Variants in DGKK observed in about 807,000 individuals in gnomAD.
DGKK encodes the protein 142 kDa diacylglycerol kinase.
A neutral mutation model predicts 92.2 loss-of-function variants in DGKK; 35 were observed. The ratio of observed to expected loss-of-function variants is 0.38; its 90% CI spans 0.29 to 0.50. The LOEUF (loss-of-function observed/expected upper bound fraction) is 0.50. Among genes scored for constraint, DGKK ranks in the 20% least tolerant of loss-of-function variants. DGKK has a pLI of 0.92. For synonymous variants in DGKK, 368 were observed against 360.6 expected (o/e 1.02, Z -0.23); for missense variants, 910 against 992.2 (o/e 0.92, Z 1.11).
intron 11 of DGKK, among the ~76,000 whole-genome samples, chrX:50,390,683 A>C (rs12012084): frequency 9.0e-6 from 1 of 111,297 alleles, no homozygotes; most frequent in African/African-American, 3.3e-5. Flanking sequence ...GTAACCATCA[A>C]GATCATCTGA....
intron 21 of DGKK, 31 bp downstream of exon 21, chrX:50,378,547 C>T: frequency 8.8e-7 from 1 of 1,139,697 alleles, no homozygotes; most frequent in Non-Finnish European, 1.2e-6. Flanking sequence ...AACCTCAGCC[C>T]CTTCCCAGTG....
chrX:50,376,533 A>G (rs138015494), intron 23 of DGKK, among the ~76,000 whole-genome samples: 1,914 of 111,634 alleles, frequency 0.017, 46 homozygotes, highest in African/African-American at 0.06. Context: ...GCAACAAGAG[A>G]TCCAAATTAA....
chrX:50,403,039 A>G (rs1925050954), intron 7 of DGKK, 22 bp downstream of exon 7: 3 of 1,208,001 alleles, frequency 2.5e-6, no homozygotes, highest in Non-Finnish European at 2.2e-6. Context: ...TTCTCTAAAT[A>G]TCAAGATGAG....
Position 50,387,664 on chromosome X carries a change from A to G in DGKK, c.2019-11T>C. ...GCTGAACACAAGAATCTGGAAAGATAAAATAGATGGCACAATGTTACATGA... is the reference window on the plus strand; with the variant it reads ...GCTGAACACAAGAATCTGGAAAGATGAAATAGATGGCACAATGTTACATGA... On this transcript the variant is annotated splice_polypyrimidine_tract_variant and intron_variant, in intron 13 of 27. Coordinates refer to ENST00000611977, the MANE Select transcript of DGKK (RefSeq NM_001013742.4). 1.7e-6 allele frequency: 2 copies of G among 1,143,913 alleles called. No individual in the cohort carries two copies. The highest frequency in any genetic ancestry group is 2.4e-6 in the Non-Finnish European group (2 of 835,904). The allele number at this position is 1,143,913 out of a possible 1,213,427, so 94.3% of individuals were successfully genotyped here.
chrX:50,417,144 A>C (rs192613593), intron 4 of DGKK, among the ~76,000 whole-genome samples: 1 of 106,653 alleles, frequency 9.4e-6, no homozygotes, highest in Non-Finnish European at 1.9e-5. Context: ...TTTTCTGTAC[A>C]ACATCTGACA....
rs1376598643 is a variant in DGKK at position 50,366,555 on chromosome X, G to C, written c.*2385C>G. The stretch of plus-strand genomic sequence containing the variant: ...TGCAGCAAAGTAAGCACAAGAGATG[G>C]AGTCTTATTACAGTTTACTATCATC... On this transcript the variant is annotated 3_prime_UTR_variant, in exon 28 of 28. Transcript: ENST00000611977. 8.9e-6 allele frequency: 1 copy of C among 111,989 alleles called. No homozygotes were observed. The highest frequency in any genetic ancestry group is 1.9e-5 in the Non-Finnish European group (1 of 53,196). 9.2% of individuals were successfully genotyped at this position (111,989 alleles called of 1,213,427 possible).
intron 1 of DGKK, among the ~76,000 whole-genome samples, chrX:50,447,588 T>C (rs975282287): frequency 2.0e-5 from 2 of 101,655 alleles, no homozygotes; most frequent in African/African-American, 3.5e-5. Flanking sequence ...TCAGATTCTA[T>C]GAGCTTACAT....
At chrX:50,395,988 C>G (rs1385603998) in intron 8 of DGKK, among the ~76,000 whole-genome samples, 17 of 111,020 alleles carry the variant, frequency 1.5e-4, no homozygotes, top group Non-Finnish European at 3.0e-4. Flanking sequence ...TTCATATAGA[C>G]GTGTATGTAA....
intron 1 of DGKK, among the ~76,000 whole-genome samples, chrX:50,442,523 C>G (rs1416926380): frequency 9.0e-6 from 1 of 111,095 alleles, no homozygotes; most frequent in African/African-American, 3.3e-5. Flanking sequence ...TGAAGCTGCT[C>G]TTTTTGACCT....
At chrX:50,444,073 T>G (rs1429232033) in intron 1 of DGKK, among the ~76,000 whole-genome samples, 4 of 111,172 alleles carry the variant, frequency 3.6e-5, no homozygotes, top group African/African-American at 9.8e-5. Context: ...TTATAGCCTA[T>G]GGGTAGTCTC....
At chrX:50,415,765 G>A (rs782621785) in intron 4 of DGKK, among the ~76,000 whole-genome samples, 29 of 111,444 alleles carry the variant, frequency 2.6e-4, no homozygotes, top group Non-Finnish European at 5.1e-4. Context: ...TTCTATTTTG[G>A]AAGGACATAA....
intron 1 of DGKK, among the ~76,000 whole-genome samples, chrX:50,442,695 T>G (rs1557231373): frequency 3.6e-5 from 4 of 111,348 alleles, no homozygotes; most frequent in Non-Finnish European, 7.6e-5. Context: ...GTAAACCATT[T>G]ATTATCTCAG....
At chrX:50,466,481 T>C (rs1926914590) in intron 1 of DGKK, among the ~76,000 whole-genome samples, 1 of 111,854 alleles carries the variant, frequency 8.9e-6, no homozygotes, top group Non-Finnish European at 1.9e-5. Context: ...TGTTAGTAAT[T>C]TGCTTCTTAA....
intron 1 of DGKK, among the ~76,000 whole-genome samples, chrX:50,445,315 TTGCAA>T (rs1269020514): frequency 9.0e-6 from 1 of 110,987 alleles, no homozygotes; most frequent in East Asian, 2.8e-4. Context: ...CTTGCTTTTG[TTGCAA>T]TTGTGTTTGG....
intron 1 of DGKK, among the ~76,000 whole-genome samples, chrX:50,447,382 T>A (rs1230966348): frequency 2.4e-4 from 3 of 12,514 alleles, no homozygotes; most frequent in African/African-American, 6.3e-4. Flanking sequence ...TATATATATA[T>A]AATATATATA....
At chrX:50,397,040 T>C (rs1924870585) in intron 8 of DGKK, among the ~76,000 whole-genome samples, 1 of 111,975 alleles carries the variant, frequency 8.9e-6, no homozygotes, top group African/African-American at 3.2e-5. Context: ...GGATGAAATG[T>C]AAAGGGAATA....
chrX:50,434,518 G>A (rs1205937381), intron 1 of DGKK, among the ~76,000 whole-genome samples: 3 of 110,944 alleles, frequency 2.7e-5, no homozygotes, highest in Non-Finnish European at 5.7e-5. Context: ...TTGGGTGTGA[G>A]ATCTAACTTG....
intron 12 of DGKK, among the ~76,000 whole-genome samples, chrX:50,389,765 G>GT (rs781799589): frequency 3.6e-5 from 4 of 110,673 alleles, no homozygotes; most frequent in Non-Finnish European, 7.6e-5. Flanking sequence ...ATGTACTTCA[G>GT]TTTCGTGAAT....
chrX:50,385,181 T>C (rs1186819817), intron 15 of DGKK, among the ~76,000 whole-genome samples: 2 of 111,913 alleles, frequency 1.8e-5, no homozygotes, highest in Non-Finnish European at 3.8e-5. Context: ...CTCTCTGCTC[T>C]TCTACCTCCA....
Sources: allele counts gnomAD v4.1 joint callset (sites outside exome capture counted in the v4.1 genomes callset), GRCh38; gene constraint gnomAD v4.1.1; transcripts MANE v1.5; gene names NCBI Gene and HGNC (gene_info 2026-07-23, HGNC 2026-07-21).